Variants in ZNF577 observed in about 807,000 individuals in gnomAD.
The protein encoded by ZNF577 is zinc finger protein 577.
ZNF577 carries 14 observed loss-of-function variants against 13.9 expected under a neutral mutation model. The observed-to-expected ratio is 1.00, with a 90% confidence interval of 0.66 to 1.57. The LOEUF is 1.57. Ranked by LOEUF, ZNF577 falls within the 40% of genes most tolerant of loss-of-function variation. The probability of loss-of-function intolerance (pLI) is 0.00; values close to 1 mark genes in which losing one functional copy is unlikely to be tolerated. For synonymous variants in ZNF577, 203 were observed against 202.9 expected (o/e 1.00, Z 0.00); for missense variants, 555 against 579.2 (o/e 0.96, Z 0.43).
chr19:51,822,353 G>A (rs1034311168), intron 9 of ZNF577, among the ~76,000 whole-genome samples: 1 of 152,172 alleles, frequency 6.6e-6, no homozygotes, highest in East Asian at 1.9e-4. Flanking sequence ...CAAAGATGGA[G>A]GAGGGATACC....
At position 51,877,300 on chromosome 19, in the gene ZNF577, G is replaced by C; in HGVS notation, c.265C>G (p.His89Asp). The change falls in exon 5 of 6, where the codon CAC becomes GAC. Residue 89 changes from histidine (H) to aspartate (D), a missense_variant. Transcript: ENST00000638348. Reference protein sequence around the residue: ...EPPGIAEGAAHSQICPGFVIQ... With the variant: ...EPPGIAEGAADSQICPGFVIQ... ...CACTTACCTGGACAGATTTGACTGT[G>C]GGCTGCTCCTTCTGCTATCCCTGGG... 1 of 1,613,998 alleles carries C rather than the reference G, an allele frequency of 6.2e-7. No homozygotes were observed. The highest frequency in any genetic ancestry group is 1.3e-5 in the African/African-American group (1 of 74,998).
intron 9 of ZNF577, among the ~76,000 whole-genome samples, chr19:51,837,865 T>C (rs1238514559): frequency 6.6e-6 from 1 of 152,182 alleles, no homozygotes; most frequent in Non-Finnish European, 1.5e-5. Flanking sequence ...TAGCAAACCA[T>C]ATCCCAAAAT....
intron 9 of ZNF577, among the ~76,000 whole-genome samples, chr19:51,818,049 AC>A (rs2084155177): frequency 6.6e-6 from 1 of 150,742 alleles, no homozygotes; most frequent in Non-Finnish European, 1.5e-5. Flanking sequence ...TGATGAGTTC[AC>A]GTCCTTTTTA....
chr19:51,832,825 AT>A (rs35997402), intron 9 of ZNF577, among the ~76,000 whole-genome samples: 64,282 of 151,818 alleles, frequency 0.42, 13,748 homozygotes, highest in South Asian at 0.58. Flanking sequence ...TTTTTTACGT[AT>A]GTCAAAAGTC....
intron 5 of ZNF577, among the ~76,000 whole-genome samples, chr19:51,853,921 A>C (rs2084392886): frequency 6.6e-6 from 1 of 152,132 alleles, no homozygotes; most frequent in Admixed American, 6.5e-5. Flanking sequence ...CAAATAGTTC[A>C]GTCGAAAGAA....
At chr19:51,875,354 ACT>A (rs925613704) in intron 5 of ZNF577, among the ~76,000 whole-genome samples, 1 of 130,022 alleles carries the variant, frequency 7.7e-6, no homozygotes, top group Non-Finnish European at 1.6e-5. Flanking sequence ...CAAAAGCAAA[ACT>A]CTGTCACAAA....
rs557127660 is a variant in ZNF577 at position 51,876,337 on chromosome 19, T to TA, written c.283+944dup. Among the ~76,000 whole-genome samples, 721 of 151,898 alleles carry TA rather than the reference T, an allele frequency of 4.7e-3. 6 individuals are homozygous for TA. Among genetic ancestry groups the TA allele is most frequent in the Middle Eastern group, 0.01 (3 of 294 alleles). On this transcript the variant is annotated intron_variant, in intron 5 of 5. Transcript: ENST00000638348. Reference sequence around the variant, plus strand: ...TGGTGGCTGGCGACACGCAGCGGGTTAGAGTGCAGATGAGACGTTAGTAGC... The same window carrying TA: ...TGGTGGCTGGCGACACGCAGCGGGTTAAGAGTGCAGATGAGACGTTAGTAGC...
rs555508861 is a variant in ZNF577 at position 51,867,503 on chromosome 19, G to A, written c.*5029C>T. On this transcript the variant is annotated 3_prime_UTR_variant, in exon 6 of 6. Transcript: ENST00000638348. ...TAAAAACACAAAGCTGGCCAGGCGC[G>A]GTGGCTCACACCTGTAATCCCAGCA... Among the ~76,000 whole-genome samples, 19 of 152,014 alleles carry A rather than the reference G, an allele frequency of 1.2e-4. No homozygotes were observed. The highest frequency in any genetic ancestry group is 2.4e-4 in the African/African-American group (10 of 41,458).
At chr19:51,857,355 AAAG>A (rs1357548370) in intron 5 of ZNF577, among the ~76,000 whole-genome samples, 2 of 113,888 alleles carry the variant, frequency 1.8e-5, no homozygotes, top group Admixed American at 1.8e-4. Context: ...AGAGAGAAAG[AAAG>A]AAGGAAGGAA....
intron 5 of ZNF577, among the ~76,000 whole-genome samples, chr19:51,846,830 G>C (rs2084355624): frequency 6.6e-6 from 1 of 152,148 alleles, no homozygotes; most frequent in African/African-American, 2.4e-5. Flanking sequence ...TGTGATCACG[G>C]ACTTCCAGCT....
chr19:51,817,833 G>A (rs1290395988), intron 9 of ZNF577: 1 of 152,242 alleles, frequency 6.6e-6, no homozygotes, highest in Non-Finnish European at 1.5e-5. Flanking sequence ...AACTCAGCTA[G>A]TGGTAAGTTG....
chr19:51,848,357 TGTACAGCTAA>T (rs1420251822), intron 5 of ZNF577, among the ~76,000 whole-genome samples: 1 of 152,158 alleles, frequency 6.6e-6, no homozygotes, highest in African/African-American at 2.4e-5. Flanking sequence ...TTAGGAAGCT[TGTACAGCTAA>T]GACGCGGAAG....
rs577875575 is a variant in ZNF577, at chr19:51,887,629, A to T, written c.-1027T>A. Reference sequence around the variant, plus strand: ...CCACGACGCCCTAGCGCTACTGTGCAACGAAGACCTCCCAAGCACTGGTTC... The same window carrying T: ...CCACGACGCCCTAGCGCTACTGTGCTACGAAGACCTCCCAAGCACTGGTTC... On this transcript the variant is annotated 5_prime_UTR_variant, in exon 1 of 6. An upstream open reading frame in the 5' UTR gains an earlier in-frame stop. Transcript: ENST00000638348. 4 of 152,214 alleles carry T rather than the reference A, an allele frequency of 2.6e-5. No individual in the cohort carries two copies. Among genetic ancestry groups the T allele is most frequent in the Non-Finnish European group, 5.9e-5 (4 of 68,076 alleles). The allele number at this position is 152,214 out of a possible 1,614,324, so 9.4% of individuals were successfully genotyped here. A position where few individuals can be genotyped will look rare whatever the true frequency, so the allele number is the denominator to read the frequency against.
At chr19:51,881,028 T>C (rs1186641750) in intron 1 of ZNF577, among the ~76,000 whole-genome samples, 151 bp from the exon 2 acceptor site, 1 of 152,190 alleles carries the variant, frequency 6.6e-6, no homozygotes, top group Non-Finnish European at 1.5e-5. Flanking sequence ...GGGGCAGTGA[T>C]CCAGAGGAAG....
chr19:51,873,448 C>T lies in ZNF577; in HGVS notation c.542G>A (p.Arg181Lys), dbSNP rs1344434350. 2.5e-6 allele frequency: 4 copies of T among 1,614,174 alleles called. No individual in the cohort carries two copies. The highest frequency in any genetic ancestry group is 3.4e-6 in the Non-Finnish European group (4 of 1,180,028). The change falls in exon 6 of 6, where the codon AGA becomes AAA. Residue 181 changes from arginine (R) to lysine (K), a missense_variant. Transcript: ENST00000638348. ...AQLIQHQRTE[R>K]GEKPHGCGEC... is the part of the protein sequence containing the mutation. The stretch of plus-strand genomic sequence containing the variant: ...ACCACATCCATGGGGTTTCTCTCCT[C>T]TTTCAGTTCTCTGATGTTGAATAAG...
chr19:51,824,814 C>T lies in ZNF577; in HGVS notation c.*600-13140G>A, dbSNP rs528323303. Reference sequence around the variant, plus strand: ...GACGGAGTTACAAGCAATGTGAGGTCGGGGATATTTTTGGGCTCTGTCTCT... The same window carrying T: ...GACGGAGTTACAAGCAATGTGAGGTTGGGGATATTTTTGGGCTCTGTCTCT... On this transcript the variant is annotated intron_variant and NMD_transcript_variant, in intron 9 of 10. Coordinates refer to the ZNF577 transcript ENST00000638827. The surrounding 1 kb of genome is among the most constrained non-coding windows in gnomAD (Gnocchi z 4.7). 1.8e-5 allele frequency: 29 copies of T among 1,597,964 alleles called. No individual in the cohort carries two copies. The Admixed American group carries it at 2.1e-4, about 11-fold the overall frequency.
intron 9 of ZNF577, among the ~76,000 whole-genome samples, chr19:51,839,244 G>A (rs897704915): frequency 6.6e-6 from 1 of 152,120 alleles, no homozygotes; most frequent in Non-Finnish European, 1.5e-5. Context: ...AATAAATTAT[G>A]TTAGCCAGGC....
In ZNF577 at chr19:51,877,336, G is replaced by A; in HGVS notation, c.229C>T (p.Gln77Ter). The A allele has an allele frequency of 6.2e-7, 1 of 1,614,118 alleles. No homozygotes were observed. Among genetic ancestry groups the A allele is most frequent in the Non-Finnish European group, 8.5e-7 (1 of 1,180,012 alleles). ...TKPDSLFKLEQGEPPGIAEGA... is the reference protein window; with the variant it reads ...TKPDSLFKLE ...TCTGCTATCCCTGGGGGTTCTCCTT[G>A]CTCCAACTTGAAGAGCGAATCTGGC... Residue 77 changes from glutamine to a stop codon, truncating the protein, a stop_gained, in exon 5 of 6, where the codon CAA becomes TAA. Transcript: ENST00000638348. LOFTEE classifies it high-confidence loss of function.
At chr19:51,832,592 T>A (rs894458937) in intron 9 of ZNF577, among the ~76,000 whole-genome samples, 5 of 152,178 alleles carry the variant, frequency 3.3e-5, no homozygotes, top group African/African-American at 1.2e-4. Flanking sequence ...GCTTTTGGTG[T>A]CATGTCAAAG....
Sources: gnomAD v4.1 joint callset for allele counts (sites outside exome capture counted in the v4.1 genomes callset) on GRCh38, gnomAD v4.1.1 for gene constraint, Gnocchi (gnomAD v3.1) non-coding constraint, MANE v1.5 for transcripts, NCBI Gene and HGNC (gene_info 2026-07-23, HGNC 2026-07-21) for gene names.